LUC7L2: variants seen among roughly 807,000 people sequenced by gnomAD.
LUC7L2 encodes LUC7 like 2, pre-mRNA splicing factor, also known as putative RNA-binding protein Luc7-like 2.
In LUC7L2, 25 loss-of-function variants were observed where a neutral mutation model predicts 52.8. That is an observed-to-expected ratio of 0.47 (90% CI 0.34 to 0.66). The LOEUF (loss-of-function observed/expected upper bound fraction) is 0.66. Among genes scored for constraint, LUC7L2 ranks in the 30% least tolerant of loss-of-function variants. LUC7L2 has a pLI of 0.01. For synonymous variants in LUC7L2, 144 were observed against 160.9 expected, an observed-to-expected ratio of 0.89 and a Z score of 0.80; for missense variants, 328 against 497.8, an observed-to-expected ratio of 0.66 and a Z score of 3.25.
intron 1 of LUC7L2, among the ~76,000 whole-genome samples, chr7:139,368,536 C>T (rs1250637551): frequency 6.6e-6 from 1 of 152,072 alleles, no homozygotes; most frequent in Non-Finnish European, 1.5e-5. Flanking sequence ...GTCAGGAGTT[C>T]AAGACCAGCC....
intron 1 of LUC7L2, chr7:139,371,393 C>A: frequency 9.3e-7 from 1 of 1,077,594 alleles, no homozygotes; most frequent in Non-Finnish European, 1.4e-6. Context: ...TTAGCCTTCA[C>A]AGTTGTTGAT....
chr7:139,393,032 C>G (rs564966097), intron 2 of LUC7L2, among the ~76,000 whole-genome samples: 12 of 151,926 alleles, frequency 7.9e-5, no homozygotes, highest in Admixed American at 7.8e-4. Context: ...TTTGGGAGGC[C>G]GAGGCGGTTG....
rs1799779805 is a variant in LUC7L2, at chr7:139,360,020, G to A, written c.-242G>A. 2.0e-6 allele frequency: 1 copy of A among 504,560 alleles called. No homozygotes were observed. Among genetic ancestry groups the A allele is most frequent in the South Asian group, 2.6e-5 (1 of 37,778 alleles). The allele number at this position is 504,560 out of a possible 1,614,324, so 31.3% of individuals were successfully genotyped here. On this transcript the variant is annotated 5_prime_UTR_variant, in exon 1 of 10. Transcript: ENST00000354926. ...CCGTGTCGCTTCTGTCCCAAGAACC[G>A]GACGGAGAGTGAGGGCACGAGGGTC...
chr7:139,369,326 C>T (rs1250575100), intron 1 of LUC7L2, among the ~76,000 whole-genome samples: 1 of 152,114 alleles, frequency 6.6e-6, no homozygotes, highest in Non-Finnish European at 1.5e-5. Context: ...TCTATATAAC[C>T]TATTTTAGGA....
intron 1 of LUC7L2, among the ~76,000 whole-genome samples, chr7:139,346,918 C>T (rs1406442808): frequency 6.6e-6 from 1 of 151,752 alleles, no homozygotes. Flanking sequence ...TTAGCAATTT[C>T]AGCTTCTGCA....
At chr7:139,375,614 G>A (rs1257138373) in intron 1 of LUC7L2, 5 of 985,368 alleles carry the variant, frequency 5.1e-6, no homozygotes, top group Non-Finnish European at 6.0e-6. Context: ...TATTTTTTAT[G>A]TTTTTCAATT....
rs1795938256 is a variant in LUC7L2, at chr7:139,422,234, C to G, written c.1073C>G (p.Ser358Ter). The change falls in exon 10 of 10, where the codon TCA (serine) becomes TGA (stop). Residue 358 changes from serine to a stop codon, truncating the protein, a stop_gained. Transcript: ENST00000354926. LOFTEE classifies it high-confidence loss of function. ...CDRDRSSRDR[S>*]PRDRDRKDKK... ...AGAGACAGGAGTTCAAGAGACAGAT[C>G]ACCTCGTGACAGAGATCGGAAAGAT... 6.2e-7 allele frequency: 1 copy of G among 1,614,036 alleles called. No individual in the cohort carries two copies. Among genetic ancestry groups the G allele is most frequent in the Non-Finnish European group, 8.5e-7 (1 of 1,180,032 alleles).
chr7:139,341,452 C>T (rs759231210), intron 1 of LUC7L2: 1 of 1,613,616 alleles, frequency 6.2e-7, no homozygotes, highest in Admixed American at 1.7e-5. Context: ...TACCTGAGCG[C>T]GGCCACCGGC....
At chr7:139,392,746 C>G (rs1163771250) in intron 2 of LUC7L2, 1 of 158,790 alleles carries the variant, frequency 6.3e-6, no homozygotes, top group African/African-American at 2.4e-5. Flanking sequence ...ACCTCTGCCC[C>G]CCAGGTTCAA....
At chr7:139,420,296 C>T (rs536311907) in intron 9 of LUC7L2, among the ~76,000 whole-genome samples, 3 of 152,224 alleles carry the variant, frequency 2.0e-5, no homozygotes, top group East Asian at 1.9e-4. Flanking sequence ...CTCTGCCTTG[C>T]GGGTTCAAGC....
At chr7:139,349,709 T>C (rs1293780604) in intron 1 of LUC7L2, among the ~76,000 whole-genome samples, 2 of 152,146 alleles carry the variant, frequency 1.3e-5, no homozygotes, top group African/African-American at 4.8e-5. Flanking sequence ...CAAATGCTTT[T>C]ACAGCTACTA....
chr7:139,344,940 C>T (rs1799202156), intron 1 of LUC7L2: 1 of 151,308 alleles, frequency 6.6e-6, no homozygotes, highest in Non-Finnish European at 1.5e-5. Context: ...GTCTCGATCC[C>T]CTGACCTTGT....
At chr7:139,353,255 A>G (rs1314947922) in intron 1 of LUC7L2, among the ~76,000 whole-genome samples, 1 of 152,158 alleles carries the variant, frequency 6.6e-6, no homozygotes, top group Non-Finnish European at 1.5e-5. Context: ...CCCAAGTAAA[A>G]CCGCAATATT....
intron 7 of LUC7L2, among the ~76,000 whole-genome samples, chr7:139,410,913 C>G (rs1246799007): frequency 1.3e-5 from 2 of 150,910 alleles, no homozygotes; most frequent in African/African-American, 4.9e-5. Context: ...CTATATGGTC[C>G]CTTTTTAGGA....
At chr7:139,407,070 G>GT (rs1795162568) in intron 5 of LUC7L2, 104 bp from the exon 6 acceptor site, 4 of 865,892 alleles carry the variant, frequency 4.6e-6, no homozygotes, top group Non-Finnish European at 5.5e-6. Flanking sequence ...CCACTTTTGT[G>GT]TATTTTTTAG....
chr7:139,402,305 G>A (rs1263170241), intron 4 of LUC7L2, 58 bp downstream of exon 4: 1 of 1,440,298 alleles, frequency 6.9e-7, no homozygotes, highest in Non-Finnish European at 9.2e-7. Flanking sequence ...TTTTGTTTAA[G>A]TTTTTATTTT....
chr7:139,385,113 G>A (rs1319679135), intron 2 of LUC7L2, among the ~76,000 whole-genome samples: 1 of 152,088 alleles, frequency 6.6e-6, no homozygotes, highest in East Asian at 1.9e-4. Context: ...GTATTAATAA[G>A]TACAGATATA....
chr7:139,356,553 A>G (rs905368552), upstream of LUC7L2, among the ~76,000 whole-genome samples: 1 of 151,012 alleles, frequency 6.6e-6, no homozygotes, highest in Non-Finnish European at 1.5e-5. Context: ...AGGCCGAGGC[A>G]GGTGGATCAC....
chr7:139,346,186 G>A (rs886386560), intron 1 of LUC7L2: 5 of 151,164 alleles, frequency 3.3e-5, no homozygotes, highest in African/African-American at 1.2e-4. Flanking sequence ...GCGATGAGCT[G>A]AGATCGCGCC....
Sources: allele counts gnomAD v4.1 joint callset (sites outside exome capture counted in the v4.1 genomes callset), GRCh38; gene constraint gnomAD v4.1.1; transcripts MANE v1.5; gene names NCBI Gene and HGNC (gene_info 2026-07-23, HGNC 2026-07-21).